Variants in NEO1 observed in about 807,000 individuals in gnomAD.
NEO1 encodes the protein neogenin.
A neutral mutation model predicts 159.7 loss-of-function variants in NEO1; 63 were observed. The ratio of observed to expected loss-of-function variants is 0.39; its 90% CI spans 0.32 to 0.49. The LOEUF is 0.49. Among genes scored for constraint, NEO1 ranks in the 20% least tolerant of loss-of-function variants. The pLI, the probability that NEO1 is intolerant of heterozygous loss-of-function variation, is 0.85. For missense variants in NEO1, 1,615 were observed against 1,831.0 expected, an observed-to-expected ratio of 0.88 and a Z score of 2.15; for synonymous variants, 633 against 662.0, an observed-to-expected ratio of 0.96 and a Z score of 0.67.
In NEO1 at chr15:73,106,879, G is replaced by A. The variant is rs184800336; in HGVS notation, c.131-9661G>A. 2.9e-3 allele frequency among the ~76,000 whole-genome samples: 446 copies of A among 152,200 alleles called. 2 individuals carry two copies. Among genetic ancestry groups the A allele is most frequent in the African/African-American group, 0.01 (422 of 41,536 alleles). ...TCTTATCATTATGCCTTTAGACTTC[G>A]TCCAATAATTCCCATTCTGTCTTAG... On this transcript the variant is annotated intron_variant, in intron 1 of 28. Transcript: ENST00000261908.
chr15:73,244,317 A>C (rs369223784), intron 8 of NEO1, 27 bp from the exon 9 acceptor site: 16 of 1,599,376 alleles, frequency 1.0e-5, no homozygotes, highest in Middle Eastern at 1.7e-4. Flanking sequence ...AATTAATGCT[A>C]TCTCTCTCCA....
At chr15:73,113,519 G>A (rs2071121794) in intron 1 of NEO1, among the ~76,000 whole-genome samples, 1 of 152,132 alleles carries the variant, frequency 6.6e-6, no homozygotes, top group African/African-American at 2.4e-5. Flanking sequence ...AACTTCTAGG[G>A]AAACATGGCC....
At chr15:73,181,337 T>G (rs1322623951) in intron 7 of NEO1, among the ~76,000 whole-genome samples, 1 of 152,222 alleles carries the variant, frequency 6.6e-6, no homozygotes, top group Non-Finnish European at 1.5e-5. Flanking sequence ...AAAATTGTTA[T>G]GAGGCCATTG....
intron 5 of NEO1, among the ~76,000 whole-genome samples, chr15:73,138,767 AAAAAC>A (rs2032069704): frequency 6.6e-6 from 1 of 150,656 alleles, no homozygotes; most frequent in Non-Finnish European, 1.5e-5. Context: ...AAAAAAAAAA[AAAAAC>A]AAAAAAACAA....
chr15:73,074,319 G>C (rs1169766246), intron 1 of NEO1, among the ~76,000 whole-genome samples: 1 of 152,158 alleles, frequency 6.6e-6, no homozygotes, highest in African/African-American at 2.4e-5. Context: ...TCAGAGGCCA[G>C]TTATCTAGTT....
Position 73,279,832 on chromosome 15 carries a change from A to G in NEO1, c.3262+1633A>G, listed in dbSNP as rs535982074. Among the ~76,000 whole-genome samples the G allele has an allele frequency of 1.2e-4, 19 of 152,330 alleles. No homozygotes were observed. The East Asian group carries it at 3.3e-3, about 26-fold the overall frequency. On this transcript the variant is annotated intron_variant, in intron 22 of 28. Coordinates refer to ENST00000261908, the MANE Select transcript of NEO1 (RefSeq NM_002499.4). ...GGGATTGGACATTCCAGGAAGCAAT[A>G]TCAGCATGTGCAGAGGCATGGCAAT...
At chr15:73,163,875 T>C (rs1414771475) in intron 5 of NEO1, among the ~76,000 whole-genome samples, 1 of 152,186 alleles carries the variant, frequency 6.6e-6, no homozygotes, top group South Asian at 2.1e-4. Context: ...GTAATGCACA[T>C]TGGAATTTCT....
chr15:73,250,045 C>T (rs1216263208), intron 11 of NEO1, among the ~76,000 whole-genome samples: 1 of 152,138 alleles, frequency 6.6e-6, no homozygotes, highest in Non-Finnish European at 1.5e-5. Flanking sequence ...ACAGACCATT[C>T]CAGGGCTTTT....
intron 15 of NEO1, among the ~76,000 whole-genome samples, chr15:73,264,897 A>G (rs910059308): frequency 2.0e-5 from 3 of 152,242 alleles, no homozygotes. Context: ...AGACGTTCTC[A>G]CAATTATTAG....
rs141535724 is a variant in NEO1, at chr15:73,283,071, G to A, written c.3370G>A (p.Ala1124Thr). ...CACCATCGTGGTGGTTGTGATTATC[G>A]CTGTCTTTTGTACCCGTCGTACCAC... is the stretch of plus-strand genomic sequence containing the variant. Reference protein sequence around the residue: ...VITIVVVVIIAVFCTRRTTSH... With the variant: ...VITIVVVVIITVFCTRRTTSH... The change falls in exon 23 of 29, where the codon GCT (alanine) becomes ACT (threonine). Residue 1124 changes from alanine to threonine, a missense_variant. Around this residue, in one of 3 missense-constraint regions of NEO1, gnomAD observed 471 missense variants for 498.9 expected, o/e 0.94. Transcript: ENST00000261908. 5 of 1,614,074 alleles carry A rather than the reference G, an allele frequency of 3.1e-6. No homozygotes were observed. Among genetic ancestry groups the A allele is most frequent in the Middle Eastern group, 1.6e-4 (1 of 6,062 alleles).
intron 5 of NEO1, among the ~76,000 whole-genome samples, chr15:73,152,454 A>C (rs2033448391): frequency 6.6e-6 from 1 of 152,218 alleles, no homozygotes; most frequent in Admixed American, 6.5e-5. Context: ...TACCCCAGGG[A>C]GGACATGGAA....
chr15:73,065,799 T>A (rs1461803529), intron 1 of NEO1, among the ~76,000 whole-genome samples: 1 of 152,160 alleles, frequency 6.6e-6, no homozygotes, highest in East Asian at 1.9e-4. Flanking sequence ...TTTTTCTGAA[T>A]TAAATTCCAT....
intron 1 of NEO1, among the ~76,000 whole-genome samples, chr15:73,072,824 A>C (rs2068598529): frequency 6.6e-6 from 1 of 152,124 alleles, no homozygotes; most frequent in South Asian, 2.1e-4. Context: ...AGAGAAGTAC[A>C]TGGAATAGAA....
At chr15:73,090,894 C>CTGTGTTA in intron 1 of NEO1, among the ~76,000 whole-genome samples, 1 of 152,204 alleles carries the variant, frequency 6.6e-6, no homozygotes, top group East Asian at 1.9e-4. Context: ...TTTATATGTG[C>CTGTGTTA]TAAGTACTGT....
At chr15:73,197,089 G>A (rs1249421321) in intron 7 of NEO1, among the ~76,000 whole-genome samples, 2 of 152,154 alleles carry the variant, frequency 1.3e-5, no homozygotes, top group Non-Finnish European at 1.5e-5. Context: ...CCAGGCAACG[G>A]TGGCTCACAC....
chr15:73,148,014 T>C (rs541441591), intron 5 of NEO1, among the ~76,000 whole-genome samples: 5 of 152,250 alleles, frequency 3.3e-5, no homozygotes, highest in South Asian at 2.1e-4. Flanking sequence ...GGTTTCACCA[T>C]GTTGGCCAGG....
At chr15:73,133,206 T>TA (rs1340492753) in intron 4 of NEO1, among the ~76,000 whole-genome samples, 1 of 152,002 alleles carries the variant, frequency 6.6e-6, no homozygotes, top group Non-Finnish European at 1.5e-5. Context: ...TATATACACA[T>TA]ACTACTCAGC....
At chr15:73,116,905 A>G in intron 2 of NEO1, 48 bp downstream of exon 2, 2 of 1,382,138 alleles carry the variant, frequency 1.4e-6, no homozygotes, top group East Asian at 2.3e-5. Context: ...TATTTATAAC[A>G]TACATCTTGA....
intron 1 of NEO1, among the ~76,000 whole-genome samples, chr15:73,107,627 T>A (rs2070759101): frequency 6.6e-6 from 1 of 152,220 alleles, no homozygotes; most frequent in South Asian, 2.1e-4. Context: ...ACGGTGATGT[T>A]GCTAAAATGA....
Sources: allele counts gnomAD v4.1 joint callset (sites outside exome capture counted in the v4.1 genomes callset), GRCh38; gene constraint gnomAD v4.1.1; regional missense constraint gnomAD v4.1.1; transcripts MANE v1.5; gene names NCBI Gene and HGNC (gene_info 2026-07-23, HGNC 2026-07-21).